ZNF331: variants seen among roughly 807,000 people sequenced by gnomAD.
The protein encoded by ZNF331 is C2H2-like zinc finger protein rearranged in thyroid adenomas.
Under a neutral mutation model 7.0 loss-of-function variants are expected in ZNF331, and 2 were observed. The observed-to-expected ratio is 0.29, with a 90% CI of 0.12 to 0.90. ZNF331 has a LOEUF of 0.90. Ranked by LOEUF, ZNF331 falls within the 40% of genes least tolerant of loss-of-function variation. The pLI, the probability that ZNF331 is intolerant of heterozygous loss-of-function variation, is 0.58. For missense variants in ZNF331, 432 were observed against 587.7 expected (o/e 0.74, Z 2.74); for synonymous variants, 196 against 205.4 (o/e 0.95, Z 0.39).
At position 53,577,047 on chromosome 19, in the gene ZNF331, G is replaced by C; in HGVS notation, c.487G>C (p.Glu163Gln). 6.2e-7 allele frequency: 1 copy of C among 1,613,686 alleles called. No homozygotes were observed. Among genetic ancestry groups the C allele is most frequent in the Non-Finnish European group, 8.5e-7 (1 of 1,179,792 alleles). The change falls in exon 6 of 6, where the codon GAA becomes CAA. Residue 163 changes from glutamate to glutamine, a missense_variant. By Grantham distance (29) the Glu-to-Gln change is conservative (BLOSUM62 2). This residue lies in a region of ZNF331 where 312 missense variants were observed against 448.6 expected (regional missense o/e 0.70). Coordinates refer to ENST00000449416, the MANE Select transcript of ZNF331 (RefSeq NM_001079906.2). ...TGGTGAGAAACCTTATGAATGTAAA[G>C]AATGTAAGAAGGCCTTCCGTTGGGG... ...HTGEKPYECK[E>Q]CKKAFRWGNQ...
At chr19:53,549,479 T>A (rs2088843480) in intron 2 of ZNF331, among the ~76,000 whole-genome samples, 1 of 152,106 alleles carries the variant, frequency 6.6e-6, no homozygotes, top group African/African-American at 2.4e-5. Flanking sequence ...AGTGTGGAAA[T>A]CACTGCTTAA....
intron 2 of ZNF331, among the ~76,000 whole-genome samples, chr19:53,529,727 C>T (rs73935610): frequency 0.014 from 2,093 of 152,214 alleles, 47 homozygotes; most frequent in African/African-American, 0.047. Flanking sequence ...GTCTGCAGTA[C>T]GCCAAACTCT....
At chr19:53,514,652 C>CTTTTTTTT (rs67056894), upstream of ZNF331, among the ~76,000 whole-genome samples, 6 of 132,944 alleles carry the variant, frequency 4.5e-5, no homozygotes, top group Non-Finnish European at 7.9e-5. Flanking sequence ...AAGCCTTCTC[C>CTTTTTTTT]TTTTTTTTTT....
intron 2 of ZNF331, among the ~76,000 whole-genome samples, chr19:53,553,979 C>T (rs962963314): frequency 6.6e-6 from 1 of 152,192 alleles, no homozygotes; most frequent in South Asian, 2.1e-4. Flanking sequence ...CTGCCTGGGA[C>T]CGGCCCAGAC....
rs1454908084 is a variant in ZNF331, at chr19:53,573,848, C to T, written c.136+2118C>T. On this transcript the variant is annotated intron_variant, in intron 5 of 5. Coordinates refer to ENST00000449416, the MANE Select transcript of ZNF331 (RefSeq NM_001079906.2). This position sits in a 1 kb window ranked among gnomAD's most constrained non-coding sequence, Gnocchi z 4.2. Reference sequence around the variant, plus strand: ...AAATTTAAGGCCAGGCATGGTGGTTCACGCCTATAATCCCAGCACTTTGGG... The same window carrying T: ...AAATTTAAGGCCAGGCATGGTGGTTTACGCCTATAATCCCAGCACTTTGGG... 6.6e-6 allele frequency among the ~76,000 whole-genome samples: 1 copy of T among 152,174 alleles called. No homozygotes were observed. The highest frequency in any genetic ancestry group is 1.9e-4 in the East Asian group (1 of 5,192).
intron 2 of ZNF331, among the ~76,000 whole-genome samples, chr19:53,524,756 C>T (rs559253896): frequency 6.6e-6 from 1 of 152,252 alleles, no homozygotes; most frequent in East Asian, 1.9e-4. Flanking sequence ...TGTTCAGAAG[C>T]TCTTTAGTTT....
At chr19:53,529,260 C>T (rs150527899) in intron 2 of ZNF331, among the ~76,000 whole-genome samples, 12,486 of 151,904 alleles carry the variant, frequency 0.082, 577 homozygotes, top group Non-Finnish European at 0.11. Context: ...ATTAGCCGGG[C>T]GTGGTGGTAG....
In ZNF331 at chr19:53,576,735, G is replaced by GA. The variant is rs1476112027; in HGVS notation, c.182dup (p.Asn61LysfsTer4). ...ATATGAAAATAAGAGTTTACCTACA[G>GA]AAAAAAACATTCATGAAATAAGGGC... On this transcript the variant is annotated frameshift_variant, in exon 6 of 6. Transcript: ENST00000449416. LOFTEE classifies it low-confidence loss of function (END_TRUNC). The GA allele has an allele frequency of 6.2e-7, 1 of 1,611,848 alleles. No homozygotes were observed. Among genetic ancestry groups the GA allele is most frequent in the Non-Finnish European group, 8.5e-7 (1 of 1,179,360 alleles).
intron 2 of ZNF331, among the ~76,000 whole-genome samples, chr19:53,526,207 G>A (rs2708773): frequency 6.6e-6 from 1 of 151,992 alleles, no homozygotes; most frequent in Non-Finnish European, 1.5e-5. Context: ...TTTGCTTTTA[G>A]GTTTATCAAA....
At chr19:53,521,842 A>C (rs906890345) in exon 1 of ZNF331, 1 of 152,202 alleles carries the variant, frequency 6.6e-6, no homozygotes, top group African/African-American at 2.4e-5. Flanking sequence ...CGACCATGTC[A>C]CCTGTCTTTC....
At chr19:53,504,801 A>G in the ZNF331 span, among the ~76,000 whole-genome samples, 5 of 152,208 alleles carry the variant, frequency 3.3e-5, no homozygotes, top group East Asian at 9.6e-4. Flanking sequence ...GCTGGGACAG[A>G]TGTGACTTTG....
upstream of ZNF331, among the ~76,000 whole-genome samples, chr19:53,517,937 A>G (rs766277069): frequency 6.6e-6 from 1 of 152,184 alleles, no homozygotes; most frequent in Non-Finnish European, 1.5e-5. Context: ...TGGAGTTCCC[A>G]AAGAGGCTTG....
At chr19:53,551,668 G>A (rs1002464591) in intron 2 of ZNF331, among the ~76,000 whole-genome samples, 4 of 152,068 alleles carry the variant, frequency 2.6e-5, no homozygotes, top group Admixed American at 6.6e-5. Flanking sequence ...AAAATAGGAG[G>A]TTTGCATCCT....
At chr19:53,516,527 T>TTAAA (rs1236114232), upstream of ZNF331, among the ~76,000 whole-genome samples, 1 of 152,192 alleles carries the variant, frequency 6.6e-6, no homozygotes, top group Non-Finnish European at 1.5e-5. Context: ...CTGAAGACTC[T>TTAAA]TAAACAGAGC....
In ZNF331 at chr19:53,560,074, TAC is replaced by T. The variant is rs536728168; in HGVS notation, c.-74+4174_-74+4175del. 3.6e-3 allele frequency among the ~76,000 whole-genome samples: 532 copies of T among 148,696 alleles called. 2 individuals are homozygous for T. The highest frequency in any genetic ancestry group is 0.012 in the African/African-American group (497 of 40,304). The stretch of plus-strand genomic sequence containing the variant: ...TATACACACCTACATATACATACCA[TAC>T]ACACACATATATACACACATATACC... On this transcript the variant is annotated intron_variant, in intron 3 of 5. Transcript: ENST00000449416. This position sits in a 1 kb window ranked among gnomAD's most constrained non-coding sequence, Gnocchi z 4.3.
chr19:53,546,139 GGAAAAAAAA>G (rs953174945), intron 2 of ZNF331, among the ~76,000 whole-genome samples: 5,099 of 29,854 alleles, frequency 0.17, 305 homozygotes, highest in African/African-American at 0.4. Flanking sequence ...ATCCTGAGGG[GGAAAAAAAA>G]AAAAAAAAAA....
chr19:53,541,162 C>A (rs565820460), intron 2 of ZNF331, among the ~76,000 whole-genome samples: 1 of 148,776 alleles, frequency 6.7e-6, no homozygotes, highest in Admixed American at 6.7e-5. Flanking sequence ...GGCTGGAGTG[C>A]AATGGCGTGA....
the ZNF331 span, among the ~76,000 whole-genome samples, chr19:53,514,509 T>C: frequency 6.6e-6 from 1 of 152,134 alleles, no homozygotes; most frequent in South Asian, 2.1e-4. Flanking sequence ...CCCTAACTAA[T>C]ATATTTTAAA....
chr19:53,571,552 C>A lies in ZNF331; in HGVS notation c.10-52C>A. ...GAGGGTGGCCTCCTGTCTCCTTCAT[C>A]TGGAAGCTGTTTCCTTTCATTTCAT... On this transcript the variant is annotated intron_variant, in intron 4 of 5. Coordinates refer to ENST00000449416, the MANE Select transcript of ZNF331 (RefSeq NM_001079906.2). This position sits in a 1 kb window ranked among gnomAD's most constrained non-coding sequence, Gnocchi z 4.7. The A allele has an allele frequency of 6.2e-7, 1 of 1,601,050 alleles. No individual in the cohort carries two copies. The highest frequency in any genetic ancestry group is 2.2e-5 in the East Asian group (1 of 44,798).
Sources: allele counts gnomAD v4.1 joint callset (sites outside exome capture counted in the v4.1 genomes callset), GRCh38; gene constraint gnomAD v4.1.1; regional missense constraint gnomAD v4.1.1; non-coding constraint Gnocchi (gnomAD v3.1); transcripts MANE v1.5; gene names NCBI Gene and HGNC (gene_info 2026-07-23, HGNC 2026-07-21).